ZEB2: variants seen among roughly 807,000 people sequenced by gnomAD.
ZEB2 encodes zinc finger E-box-binding homeobox 2.
In ZEB2, 6 loss-of-function variants were observed where a neutral mutation model predicts 99.9. The ratio of observed to expected loss-of-function variants is 0.06; its 90% CI spans 0.03 to 0.12. The LOEUF (loss-of-function observed/expected upper bound fraction) is 0.12, where lower values mean the gene tolerates loss of function less well. ZEB2 is among the 10% of genes least tolerant of loss of function. The pLI, the probability that ZEB2 is intolerant of heterozygous loss-of-function variation, is 1.00. For missense variants in ZEB2, 969 were observed against 1,502.8 expected (o/e 0.64, Z 5.87); for synonymous variants, 517 against 542.5 (o/e 0.95, Z 0.65).
intron 2 of ZEB2, chr2:144,513,576 C>G (rs1560658574): frequency 6.5e-7 from 1 of 1,528,718 alleles, no homozygotes; most frequent in Admixed American, 2.0e-5. Flanking sequence ...GTGCATGTCT[C>G]TGTGAGATTT....
chr2:144,407,313 T>C (rs773707673), intron 4 of ZEB2, among the ~76,000 whole-genome samples: 1 of 152,234 alleles, frequency 6.6e-6, no homozygotes, highest in South Asian at 2.1e-4. Flanking sequence ...TAAGATTTTA[T>C]ACCTTGAAAT....
At chr2:144,429,605 T>C in intron 3 of ZEB2, 164 bp downstream of exon 3, 1 of 1,096,758 alleles carries the variant, frequency 9.1e-7, no homozygotes, top group Non-Finnish European at 1.3e-6. Flanking sequence ...ATAACATTAC[T>C]ATCACTTCAT....
At chr2:144,479,636 T>G (rs1462661576) in intron 2 of ZEB2, among the ~76,000 whole-genome samples, 1 of 135,392 alleles carries the variant, frequency 7.4e-6, no homozygotes, top group Non-Finnish European at 1.5e-5. Flanking sequence ...GAATTTTAGA[T>G]GAGTGTGTTT....
intron 2 of ZEB2, chr2:144,516,460 C>T (rs1705147001): frequency 7.5e-6 from 1 of 133,480 alleles, no homozygotes; most frequent in South Asian, 2.7e-4. Flanking sequence ...TATCCCACCT[C>T]TGATCTGCGT....
Position 144,513,788 on chromosome 2 carries a change from G to T in ZEB2, c.73+3490C>A. 3.3e-6 allele frequency: 5 copies of T among 1,536,138 alleles called. 1 individual carries two copies. In the South Asian group the frequency reaches 4.8e-5, roughly 15 times the overall value. ...TCTCCCGCTCCGAGTGCTCATTTCTGACTCCAAGGCTGTGTGGAGATAGTG... is the reference window on the plus strand; with the variant it reads ...TCTCCCGCTCCGAGTGCTCATTTCTTACTCCAAGGCTGTGTGGAGATAGTG... On this transcript the variant is annotated intron_variant, in intron 2 of 9. Coordinates refer to ENST00000627532, the MANE Select transcript of ZEB2 (RefSeq NM_014795.4).
At chr2:144,503,367 G>A (rs928829963) in intron 2 of ZEB2, among the ~76,000 whole-genome samples, 1 of 152,206 alleles carries the variant, frequency 6.6e-6, no homozygotes, top group African/African-American at 2.4e-5. Flanking sequence ...ATGCCAGCAA[G>A]GCATCTTCAG....
At chr2:144,390,323 G>A (rs1216509873) in intron 9 of ZEB2, among the ~76,000 whole-genome samples, 1 of 152,118 alleles carries the variant, frequency 6.6e-6, no homozygotes, top group African/African-American at 2.4e-5. Flanking sequence ...TTTAAAACTT[G>A]GAAAAATGTT....
At chr2:144,472,177 A>AT in intron 2 of ZEB2, among the ~76,000 whole-genome samples, 1 of 151,150 alleles carries the variant, frequency 6.6e-6, no homozygotes, top group African/African-American at 2.4e-5. Context: ...CCAAAGAAGC[A>AT]TTTGGTCATG....
rs1239830907 is a variant in ZEB2 at position 144,405,007 on chromosome 2, T to G, written c.421A>C (p.Thr141Pro). ...NNGTVKNANC[T>P]SDFEEYFAKR... Reference sequence around the variant, plus strand: ...GCAAAGTATTCCTCAAAATCTGATGTGCAATTTGCATTCTTCACTGAAATC... The same window carrying G: ...GCAAAGTATTCCTCAAAATCTGATGGGCAATTTGCATTCTTCACTGAAATC... The change falls in exon 5 of 10, where the codon ACA becomes CCA. Residue 141 changes from threonine to proline, a missense_variant. By Grantham distance (38) the Thr-to-Pro change is conservative (BLOSUM62 -1). This residue lies in a region of ZEB2 where 173 missense variants were observed against 217.7 expected (regional missense o/e 0.79). Coordinates refer to ENST00000627532, the MANE Select transcript of ZEB2 (RefSeq NM_014795.4). 1 of 1,613,920 alleles carries G rather than the reference T, an allele frequency of 6.2e-7. No individual in the cohort carries two copies. The highest frequency in any genetic ancestry group is 2.2e-5 in the East Asian group (1 of 44,886).
rs1232329175 is a variant in ZEB2 at position 144,404,956 on chromosome 2, C to G, written c.472G>C (p.Gly158Arg). The part of the protein sequence containing the change: ...FAKRKLEERD[G>R]HAVSIEEYLQ... ...TACTCCTCGATGCTGACTGCATGAC[C>G]ATCGCGTTCCTCCAGTTTTCTTTTG... Residue 158 changes from glycine to arginine, a missense_variant, in exon 5 of 10, where the codon GGT (glycine) becomes CGT (arginine). Coordinates refer to ENST00000627532, the MANE Select transcript of ZEB2 (RefSeq NM_014795.4). 6.2e-7 allele frequency: 1 copy of G among 1,614,138 alleles called. No individual in the cohort carries two copies. The highest frequency in any genetic ancestry group is 1.3e-5 in the African/African-American group (1 of 74,944).
At chr2:144,451,875 T>C (rs1047053746) in intron 2 of ZEB2, among the ~76,000 whole-genome samples, 3 of 152,266 alleles carry the variant, frequency 2.0e-5, no homozygotes, top group African/African-American at 7.2e-5. Flanking sequence ...TACATGTGCC[T>C]GGACCATATT....
intron 2 of ZEB2, chr2:144,507,248 G>T (rs1573810816): frequency 6.6e-6 from 1 of 152,030 alleles, no homozygotes. Context: ...CAGCAAACAA[G>T]AAAAATTTAC....
chr2:144,511,758 G>A (rs1235041719), intron 2 of ZEB2: 2 of 1,285,394 alleles, frequency 1.6e-6, no homozygotes, highest in Admixed American at 4.6e-5. Flanking sequence ...AAAATGAAAA[G>A]GAAAATTACA....
At chr2:144,511,896 G>A (rs1217522168) in intron 2 of ZEB2, 1 of 1,287,000 alleles carries the variant, frequency 7.8e-7, no homozygotes, top group Non-Finnish European at 1.0e-6. Context: ...TGGCTAAAAA[G>A]CATATTTGGG....
At chr2:144,466,185 C>T (rs887970196) in intron 2 of ZEB2, among the ~76,000 whole-genome samples, 1 of 152,194 alleles carries the variant, frequency 6.6e-6, no homozygotes, top group African/African-American at 2.4e-5. Context: ...TACAGTGTAT[C>T]TCCCTTAGGG....
chr2:144,440,511 ATATATTTTTTTTTTTTTTTT>A (rs1346592833), intron 2 of ZEB2, among the ~76,000 whole-genome samples: 1,057 of 30,188 alleles, frequency 0.035, 21 homozygotes, highest in African/African-American at 0.11. Flanking sequence ...ATATATATAT[ATATATTTTTTTTTTTTTTTT>A]TTTTTTTTTT....
At chr2:144,458,375 GA>G (rs1292866571) in intron 2 of ZEB2, among the ~76,000 whole-genome samples, 1 of 152,082 alleles carries the variant, frequency 6.6e-6, no homozygotes, top group Non-Finnish European at 1.5e-5. Context: ...TGGCACTAGG[GA>G]AAGACCTATA....
chr2:144,505,941 T>C (rs1169722455), intron 2 of ZEB2, among the ~76,000 whole-genome samples: 1 of 152,198 alleles, frequency 6.6e-6, no homozygotes, highest in Non-Finnish European at 1.5e-5. Context: ...TATTCAGGAC[T>C]CCAGAATGCT....
chr2:144,445,236 TC>T (rs1703967122), intron 2 of ZEB2: 1 of 151,078 alleles, frequency 6.6e-6, no homozygotes, highest in Admixed American at 6.6e-5. Context: ...GGGTTCATCA[TC>T]CCCTGCTTCT....
Sources: allele counts gnomAD v4.1 joint callset (sites outside exome capture counted in the v4.1 genomes callset), GRCh38; gene constraint gnomAD v4.1.1; regional missense constraint gnomAD v4.1.1; transcripts MANE v1.5; gene names NCBI Gene and HGNC (gene_info 2026-07-23, HGNC 2026-07-21).